SIK2: variants seen among roughly 807,000 people sequenced by gnomAD.
SIK2 encodes salt inducible kinase 2.
A neutral mutation model predicts 103.2 loss-of-function variants in SIK2; 29 were observed. That is an observed-to-expected ratio of 0.28 (90% CI 0.21 to 0.38). The LOEUF is 0.38. Among genes scored for constraint, SIK2 ranks in the 10% least tolerant of loss-of-function variants. The probability of loss-of-function intolerance (pLI) is 1.00; values close to 1 mark genes in which losing one functional copy is unlikely to be tolerated. For missense variants in SIK2, 879 were observed against 1,171.0 expected (o/e 0.75, Z 3.64); for synonymous variants, 412 against 446.1 (o/e 0.92, Z 0.96).
Position 111,730,330 on chromosome 11 carries a change from G to A in SIK2, c.*6201G>A, listed in dbSNP as rs1322575283. ...TTTGCTCAGTCAAGGAAATTCAAGTGGTGAGACCTTTCCACCATGGGTGGT... is the reference window on the plus strand; with the variant it reads ...TTTGCTCAGTCAAGGAAATTCAAGTAGTGAGACCTTTCCACCATGGGTGGT... On this transcript the variant is annotated 3_prime_UTR_variant, in exon 15 of 15. Transcript: ENST00000304987. 1 of 152,182 alleles carries A rather than the reference G, an allele frequency of 6.6e-6. No homozygotes were observed. The highest frequency in any genetic ancestry group is 1.5e-5 in the Non-Finnish European group (1 of 68,044). The allele number at this position is 152,182 out of a possible 1,614,324, so 9.4% of individuals were successfully genotyped here.
intron 12 of SIK2, 29 bp downstream of exon 12, chr11:111,721,091 G>A: frequency 1.3e-6 from 2 of 1,592,334 alleles, no homozygotes; most frequent in Non-Finnish European, 1.7e-6. Flanking sequence ...TCCCTCAATG[G>A]CTCTGTGAGG....
At chr11:111,680,408 GTTTT>G (rs893767975) in intron 3 of SIK2, among the ~76,000 whole-genome samples, 1 of 151,052 alleles carries the variant, frequency 6.6e-6, no homozygotes, top group Non-Finnish European at 1.5e-5. Context: ...ATTTAATTGA[GTTTT>G]TTTTTAAAAA....
intron 1 of SIK2, among the ~76,000 whole-genome samples, chr11:111,614,789 A>G (rs554127412): frequency 6.6e-6 from 1 of 152,338 alleles, no homozygotes; most frequent in South Asian, 2.1e-4. Flanking sequence ...GTCCTATTTT[A>G]TTGGATAGCT....
chr11:111,658,861 T>G (rs1337897098), intron 3 of SIK2, among the ~76,000 whole-genome samples: 3 of 152,000 alleles, frequency 2.0e-5, no homozygotes, highest in African/African-American at 7.3e-5. Context: ...GCAACAGAAC[T>G]CATTTGGGGA....
chr11:111,609,426 A>G (rs1012847123), intron 1 of SIK2, among the ~76,000 whole-genome samples: 3 of 152,044 alleles, frequency 2.0e-5, no homozygotes, highest in African/African-American at 7.3e-5. Flanking sequence ...GGCTCAAGTG[A>G]TCTTCCCACT....
rs1307986113 is a variant in SIK2, at chr11:111,688,819, G to A, written c.478+657G>A. On this transcript the variant is annotated intron_variant, in intron 4 of 14. Coordinates refer to ENST00000304987, the MANE Select transcript of SIK2 (RefSeq NM_015191.3). The surrounding 1 kb of genome is among the most constrained non-coding windows in gnomAD (Gnocchi z 4.2). ...CTATGTTAAGTACAATATGATATGT[G>A]GAAATCATTTCACAACATATCCATA... is the stretch of plus-strand genomic sequence containing the variant. 6.6e-6 allele frequency among the ~76,000 whole-genome samples: 1 copy of A among 151,996 alleles called. No individual in the cohort carries two copies. Among genetic ancestry groups the A allele is most frequent in the Non-Finnish European group, 1.5e-5 (1 of 68,004 alleles).
chr11:111,696,748 C>T (rs781176701), intron 4 of SIK2, among the ~76,000 whole-genome samples: 8 of 152,132 alleles, frequency 5.3e-5, no homozygotes, highest in Non-Finnish European at 1.0e-4. Flanking sequence ...TGTGTTTGTA[C>T]AGTGGTTGAC....
intron 3 of SIK2, among the ~76,000 whole-genome samples, chr11:111,660,713 TGGAATATCTTTTA>T (rs1413740342): frequency 2.0e-5 from 3 of 152,208 alleles, no homozygotes; most frequent in Non-Finnish European, 4.4e-5. Flanking sequence ...TTACAAAGTT[TGGAATATCTTTTA>T]GGGAAAAGTT....
intron 3 of SIK2, among the ~76,000 whole-genome samples, chr11:111,655,444 C>T (rs1447174272): frequency 6.6e-6 from 1 of 152,158 alleles, no homozygotes; most frequent in East Asian, 1.9e-4. Flanking sequence ...CCTTTGTTTG[C>T]CTTATTTACC....
intron 3 of SIK2, among the ~76,000 whole-genome samples, chr11:111,687,754 C>A (rs573978025): frequency 1.3e-5 from 2 of 151,694 alleles, no homozygotes; most frequent in Non-Finnish European, 2.9e-5. Context: ...TACAGGCACC[C>A]GCCACCATGC....
chr11:111,715,777 CTT>C (rs1943622788), intron 9 of SIK2, among the ~76,000 whole-genome samples: 1 of 143,354 alleles, frequency 7.0e-6, no homozygotes, highest in South Asian at 2.3e-4. Context: ...TACACGCACA[CTT>C]GAGTCATTTT....
rs1176160251 is a variant in SIK2, at chr11:111,722,543, T to G, written c.2056-122T>G. 1.7e-5 allele frequency: 16 copies of G among 950,414 alleles called. No individual in the cohort carries two copies. The highest frequency in any genetic ancestry group is 1.6e-6 in the Non-Finnish European group (1 of 626,472). The allele number at this position is 950,414 out of a possible 1,614,324, so 58.9% of individuals were successfully genotyped here. The stretch of plus-strand genomic sequence containing the variant: ...GTCTCAGGGAGTAAATGTCAGTCCC[T>G]TCACCCCGTGTGGATTCTGTAGAAT... On this transcript the variant is annotated intron_variant, in intron 13 of 14. Transcript: ENST00000304987. This position sits in a 1 kb window ranked among gnomAD's most constrained non-coding sequence, Gnocchi z 4.4.
intron 8 of SIK2, among the ~76,000 whole-genome samples, chr11:111,709,260 A>G (rs189655867): frequency 2.0e-5 from 3 of 152,060 alleles, no homozygotes; most frequent in Non-Finnish European, 1.5e-5. Context: ...CTCCTCTTAT[A>G]AGGATACCCG....
At chr11:111,695,357 T>C (rs1045986130) in intron 4 of SIK2, among the ~76,000 whole-genome samples, 1 of 152,174 alleles carries the variant, frequency 6.6e-6, no homozygotes, top group South Asian at 2.1e-4. Flanking sequence ...TTCCTAGAAA[T>C]CATTTACTTT....
At position 111,602,586 on chromosome 11, in the gene SIK2, G is replaced by T; in HGVS notation, c.23G>T (p.Arg8Met). 2.0e-6 allele frequency: 3 copies of T among 1,530,862 alleles called. No individual in the cohort carries two copies. The highest frequency in any genetic ancestry group is 2.6e-6 in the Non-Finnish European group (3 of 1,139,030). The allele number at this position is 1,530,862 out of a possible 1,614,324, so 94.8% of individuals were successfully genotyped here. A position where few individuals can be genotyped will look rare whatever the true frequency, so the allele number is the denominator to read the frequency against. The part of the protein sequence containing the change: MVMADGP[R>M]HLQRGPVRVG... ...AGCATGGTCATGGCGGATGGCCCGA[G>T]GCACTTGCAGCGCGGGCCGGTCCGG... The change falls in exon 1 of 15, where the codon AGG (arginine) becomes ATG (methionine). Residue 8 changes from arginine (R) to methionine (M), a missense_variant. This residue lies in a region of SIK2 where 47 missense variants were observed against 43.9 expected (regional missense o/e 1.07). Transcript: ENST00000304987. This position sits in a 1 kb window ranked among gnomAD's most constrained non-coding sequence, Gnocchi z 4.5.
At chr11:111,690,187 G>A (rs867994077) in intron 4 of SIK2, among the ~76,000 whole-genome samples, 1 of 150,676 alleles carries the variant, frequency 6.6e-6, no homozygotes, top group Non-Finnish European at 1.5e-5. Flanking sequence ...CCAACCTTCT[G>A]TGAGGAACTT....
In SIK2 at chr11:111,725,231, T is replaced by C. The variant is rs1943929759; in HGVS notation, c.*1102T>C. 6.6e-6 allele frequency: 1 copy of C among 152,656 alleles called. No individual in the cohort carries two copies. The highest frequency in any genetic ancestry group is 2.4e-5 in the African/African-American group (1 of 41,454). The allele number at this position is 152,656 out of a possible 1,614,324, so 9.5% of individuals were successfully genotyped here. ...TGTAGAAACCAACAGTTTCCATTTA[T>C]GTCAATGCTAAATCCAAAGTCACTT... is the stretch of plus-strand genomic sequence containing the variant. On this transcript the variant is annotated 3_prime_UTR_variant, in exon 15 of 15. Coordinates refer to ENST00000304987, the MANE Select transcript of SIK2 (RefSeq NM_015191.3).
chr11:111,728,022 T>C lies in SIK2; in HGVS notation c.*3893T>C, dbSNP rs12290773. ...CATACTCCAGGTAACTTTTTCCCAT[T>C]CGACCTCCTATAGAGACAATATGCA... On this transcript the variant is annotated 3_prime_UTR_variant, in exon 15 of 15. Coordinates refer to ENST00000304987, the MANE Select transcript of SIK2 (RefSeq NM_015191.3). The C allele has an allele frequency of 1.3e-4, 20 of 152,232 alleles. No individual in the cohort carries two copies. The highest frequency in any genetic ancestry group is 4.8e-4 in the African/African-American group (20 of 41,454). The allele number at this position is 152,232 out of a possible 1,614,324, so 9.4% of individuals were successfully genotyped here. A position where few individuals can be genotyped will look rare whatever the true frequency, so the allele number is the denominator to read the frequency against.
chr11:111,687,312 C>T (rs560259719), intron 3 of SIK2, among the ~76,000 whole-genome samples: 29 of 151,782 alleles, frequency 1.9e-4, no homozygotes, highest in African/African-American at 5.1e-4. Context: ...GTCAGGAGTT[C>T]GAGACCAGCC....
Sources: gnomAD v4.1 joint callset for allele counts (sites outside exome capture counted in the v4.1 genomes callset) on GRCh38, gnomAD v4.1.1 for gene constraint, gnomAD v4.1.1 regional missense constraint, Gnocchi (gnomAD v3.1) non-coding constraint, MANE v1.5 for transcripts, NCBI Gene and HGNC (gene_info 2026-07-23, HGNC 2026-07-21) for gene names.